Variants in RALGAPB observed in about 807,000 individuals in gnomAD.
RALGAPB encodes the protein Ral GTPase activating protein non-catalytic subunit beta, also known as ral GTPase-activating protein subunit beta.
Under a neutral mutation model 161.1 loss-of-function variants are expected in RALGAPB, and 25 were observed. The ratio of observed to expected loss-of-function variants is 0.16; its 90% confidence interval spans 0.11 to 0.22. The LOEUF is 0.22. Among genes scored for constraint, RALGAPB ranks in the 10% least tolerant of loss-of-function variants. RALGAPB has a pLI of 1.00. For missense variants in RALGAPB, 1,391 were observed against 1,815.2 expected, an observed-to-expected ratio of 0.77 and a Z score of 4.25; for synonymous variants, 629 against 626.1, an observed-to-expected ratio of 1.00 and a Z score of -0.07.
chr20:38,504,427 T>G (rs893119123), intron 5 of RALGAPB, among the ~76,000 whole-genome samples: 1 of 152,138 alleles, frequency 6.6e-6, no homozygotes, highest in Non-Finnish European at 1.5e-5. Context: ...TATACAAAAA[T>G]TAACTCAAGA....
chr20:38,564,944 C>CCT (rs375027087), intron 24 of RALGAPB, among the ~76,000 whole-genome samples: 207 of 148,518 alleles, frequency 1.4e-3, no homozygotes, highest in Non-Finnish European at 2.5e-3. Flanking sequence ...CCTCTTCCCC[C>CCT]CTCTCTCTCT....
intron 10 of RALGAPB, among the ~76,000 whole-genome samples, chr20:38,522,410 A>G (rs1351126521): frequency 1.3e-5 from 2 of 152,036 alleles, no homozygotes; most frequent in African/African-American, 2.4e-5. Context: ...CAACCGATCA[A>G]CCAACTCTTG....
At chr20:38,510,734 C>A (rs1156687690) in intron 6 of RALGAPB, among the ~76,000 whole-genome samples, 1 of 126,548 alleles carries the variant, frequency 7.9e-6, no homozygotes, top group African/African-American at 5.0e-5. Flanking sequence ...AACGGTGAAA[C>A]CCCGTCTCTA....
chr20:38,527,584 T>C (rs1007896073), intron 13 of RALGAPB, among the ~76,000 whole-genome samples: 1 of 152,208 alleles, frequency 6.6e-6, no homozygotes, highest in Admixed American at 6.5e-5. Context: ...CTGAAGTTAA[T>C]GTGGTCAGTC....
intron 2 of RALGAPB, among the ~76,000 whole-genome samples, chr20:38,491,725 T>C (rs897487022): frequency 3.3e-5 from 5 of 152,206 alleles, no homozygotes; most frequent in African/African-American, 1.2e-4. Context: ...AAGGATAGTT[T>C]ACCCTGTCTA....
chr20:38,568,271 A>C (rs1219435553), intron 26 of RALGAPB, among the ~76,000 whole-genome samples: 1 of 152,188 alleles, frequency 6.6e-6, no homozygotes, highest in Non-Finnish European at 1.5e-5. Context: ...ACAAAAAAAA[A>C]ACAAAGCAAA....
intron 2 of RALGAPB, among the ~76,000 whole-genome samples, chr20:38,491,909 G>T (rs1397113487): frequency 6.6e-6 from 1 of 152,172 alleles, no homozygotes; most frequent in Non-Finnish European, 1.5e-5. Context: ...CTTCTCTTTT[G>T]TGAGTGTTCA....
intron 9 of RALGAPB, chr20:38,520,421 TGTTG>T: frequency 5.3e-6 from 1 of 187,124 alleles, no homozygotes; most frequent in East Asian, 1.9e-4. Flanking sequence ...TGGGGAAGAT[TGTTG>T]GCAAGAGCAA....
chr20:38,511,713 G>C (rs1285117207), intron 6 of RALGAPB, among the ~76,000 whole-genome samples: 3 of 152,174 alleles, frequency 2.0e-5, no homozygotes. Context: ...ACAAAATGGA[G>C]TCTCCTATGT....
intron 2 of RALGAPB, 49 bp from the exon 3 acceptor site, chr20:38,492,881 T>G: frequency 1.9e-5 from 27 of 1,448,438 alleles, no homozygotes; most frequent in Middle Eastern, 1.8e-4. Flanking sequence ...ATCAGTCTAC[T>G]GAGATAGGAA....
rs75920595 is a variant in RALGAPB at position 38,543,473 on chromosome 20, T to C, written c.2714+2281T>C. Among the ~76,000 whole-genome samples the C allele has an allele frequency of 7.5e-3, 1,138 of 152,346 alleles. 14 individuals carry two copies. Among genetic ancestry groups the C allele is most frequent in the African/African-American group, 0.026 (1,096 of 41,570 alleles). On this transcript the variant is annotated intron_variant, in intron 18 of 29. Transcript: ENST00000262879. ...ATCTCTTAGCCCTTCTTGTTCATTT[T>C]GTATTCTATTGCAAAACTCATCATC... is the stretch of plus-strand genomic sequence containing the variant.
At chr20:38,540,079 GT>G in intron 17 of RALGAPB, 121 bp downstream of exon 17, 1 of 830,764 alleles carries the variant, frequency 1.2e-6, no homozygotes, top group Non-Finnish European at 1.8e-6. Flanking sequence ...GAAAATACTT[GT>G]TAGATTACAG....
At chr20:38,568,049 C>A (rs538288709) in intron 26 of RALGAPB, among the ~76,000 whole-genome samples, 6 of 152,240 alleles carry the variant, frequency 3.9e-5, no homozygotes, top group Admixed American at 3.9e-4. Flanking sequence ...CATAGCAATG[C>A]AAGATTTTAG....
intron 10 of RALGAPB, among the ~76,000 whole-genome samples, chr20:38,522,719 A>G (rs1188408215): frequency 6.6e-6 from 1 of 152,200 alleles, no homozygotes; most frequent in Non-Finnish European, 1.5e-5. Flanking sequence ...TATACAGGCA[A>G]ATAGGCAGGG....
intron 28 of RALGAPB, among the ~76,000 whole-genome samples, chr20:38,571,875 T>C (rs1269481938): frequency 6.6e-6 from 1 of 152,196 alleles, no homozygotes; most frequent in African/African-American, 2.4e-5. Flanking sequence ...TTGTTTTCTT[T>C]TGGTTTTTTT....
intron 1 of RALGAPB, among the ~76,000 whole-genome samples, chr20:38,480,385 C>CTTTTTT (rs71189925): frequency 4.7e-5 from 6 of 128,760 alleles, no homozygotes; most frequent in African/African-American, 1.9e-4. Context: ...TTCTTTCTTT[C>CTTTTTT]TTTTTTTTTT....
chr20:38,497,168 G>C lies in RALGAPB; in HGVS notation c.390-185G>C, dbSNP rs189600049. ...ATAGGAGTGGTAGGTTTAGATTCCAGAGTGCTTAACTTTACGACGAGTAAG... is the reference window on the plus strand; with the variant it reads ...ATAGGAGTGGTAGGTTTAGATTCCACAGTGCTTAACTTTACGACGAGTAAG... On this transcript the variant is annotated intron_variant, in intron 3 of 29. Coordinates refer to ENST00000262879, the MANE Select transcript of RALGAPB (RefSeq NM_020336.4). Among the ~76,000 whole-genome samples the C allele has an allele frequency of 8.7e-4, 133 of 152,284 alleles. 1 individual carries two copies. The highest frequency in any genetic ancestry group is 3.4e-3 in the Middle Eastern group (1 of 294).
At chr20:38,525,249 A>C (rs2086423617) in intron 11 of RALGAPB, among the ~76,000 whole-genome samples, 155 bp from the exon 12 acceptor site, 1 of 152,334 alleles carries the variant, frequency 6.6e-6, no homozygotes, top group East Asian at 1.9e-4. Flanking sequence ...CAATCAATCA[A>C]CTTCTAGTTT....
Position 38,565,398 on chromosome 20 carries a change from A to G in RALGAPB, c.3737A>G (p.Asn1246Ser), listed in dbSNP as rs201153789. ...SSEDIGASIFNGQKKVLYYAD... is the reference protein window; with the variant it reads ...SSEDIGASIFSGQKKVLYYAD... ...GAAGATATTGGAGCTAGCATTTTCA[A>G]TGGACAGAAGAAGGTGCTGTATTAT... Residue 1246 changes from asparagine (N) to serine (S), a missense_variant, in exon 25 of 30, where the codon AAT (asparagine) becomes AGT (serine). By Grantham distance (46) the Asn-to-Ser change is conservative (BLOSUM62 1). Coordinates refer to ENST00000262879, the MANE Select transcript of RALGAPB (RefSeq NM_020336.4). 129 of 1,613,540 alleles carry G rather than the reference A, an allele frequency of 8.0e-5. No homozygotes were observed. The highest frequency in any genetic ancestry group is 1.7e-4 in the Middle Eastern group (1 of 6,056).
Sources: allele counts gnomAD v4.1 joint callset (sites outside exome capture counted in the v4.1 genomes callset), GRCh38; gene constraint gnomAD v4.1.1; transcripts MANE v1.5; gene names NCBI Gene and HGNC (gene_info 2026-07-23, HGNC 2026-07-21).